FER1L6: variants seen among roughly 807,000 people sequenced by gnomAD.
FER1L6 encodes fer-1 like family member 6.
FER1L6 carries 177 observed loss-of-function variants against 219.2 expected under a neutral mutation model. The ratio of observed to expected loss-of-function variants is 0.81; its 90% CI spans 0.71 to 0.91. FER1L6 has a LOEUF of 0.91. Among genes scored for constraint, FER1L6 ranks in the 40% least tolerant of loss-of-function variants. The pLI is 0.00. For missense variants in FER1L6, 2,153 were observed against 2,259.9 expected, an observed-to-expected ratio of 0.95 and a Z score of 0.96; for synonymous variants, 768 against 824.3, an observed-to-expected ratio of 0.93 and a Z score of 1.17.
chr8:123,898,848 T>TATACAC (rs1812809390), intron 1 of FER1L6, among the ~76,000 whole-genome samples: 1 of 143,246 alleles, frequency 7.0e-6, no homozygotes, highest in African/African-American at 2.6e-5. Context: ...CATACATATA[T>TATACAC]ACACACACAC....
chr8:123,924,319 T>TC (rs1461703981), intron 1 of FER1L6, among the ~76,000 whole-genome samples: 4 of 148,926 alleles, frequency 2.7e-5, no homozygotes, highest in African/African-American at 9.9e-5. Flanking sequence ...CTGAGGTGGA[T>TC]CATCTGAGGT....
rs574849948 is a variant in FER1L6, at chr8:123,894,222, C to T, written c.-8+42037C>T. On this transcript the variant is annotated intron_variant, in intron 1 of 40. Transcript: ENST00000522917. ...ATCACATCCACAGAATGAAATGCCA[C>T]GCCCCTCATTCATCATGATTGCTTC... 1.3e-3 allele frequency among the ~76,000 whole-genome samples: 192 copies of T among 152,282 alleles called. 2 individuals are homozygous for T. Among genetic ancestry groups the T allele is most frequent in the African/African-American group, 4.3e-3 (180 of 41,566 alleles).
At chr8:124,084,752 T>A (rs1332686930) in intron 33 of FER1L6, among the ~76,000 whole-genome samples, 2 of 152,186 alleles carry the variant, frequency 1.3e-5, no homozygotes, top group Non-Finnish European at 2.9e-5. Flanking sequence ...GTGATGTGTC[T>A]TTGGTTTTGC....
At chr8:124,040,050 G>A (rs932610951) in intron 20 of FER1L6, 44 bp downstream of exon 20, 1 of 1,611,738 alleles carries the variant, frequency 6.2e-7, no homozygotes, top group Non-Finnish European at 8.5e-7. Context: ...CCTGCAGCCT[G>A]CAACTGACCC....
At chr8:124,062,115 G>A in intron 25 of FER1L6, 83 bp downstream of exon 25, 6 of 1,458,440 alleles carry the variant, frequency 4.1e-6, no homozygotes, top group Non-Finnish European at 5.7e-6. Context: ...TTGGCTCAAA[G>A]AGGATGCCCC....
intron 18 of FER1L6, among the ~76,000 whole-genome samples, chr8:124,024,419 G>A (rs1818616238): frequency 7.1e-6 from 1 of 140,500 alleles, no homozygotes. Flanking sequence ...CATACCCATA[G>A]CTTAGTTCCT....
At chr8:124,005,403 A>G (rs899300892) in intron 13 of FER1L6, among the ~76,000 whole-genome samples, 4 of 152,182 alleles carry the variant, frequency 2.6e-5, no homozygotes, top group Admixed American at 1.3e-4. Context: ...CAGTATCCCA[A>G]TATGTCCTGC....
Position 123,904,224 on chromosome 8 carries a change from TTGTGTGTG to T in FER1L6, c.-7-51731_-7-51724del, listed in dbSNP as rs56224402. ...ATATTTTAGAATAAACTCTGTATAT[TTGTGTGTG>T]TGTGTGTGTGTGTGTGTGTGTGTGT... On this transcript the variant is annotated intron_variant, in intron 1 of 40. Coordinates refer to ENST00000522917, the MANE Select transcript of FER1L6 (RefSeq NM_001039112.2). Among the ~76,000 whole-genome samples the T allele has an allele frequency of 6.4e-3, 887 of 139,402 alleles. 3 individuals are homozygous for T. The highest frequency in any genetic ancestry group is 9.3e-3 in the African/African-American group (342 of 36,918). 91.5% of individuals were successfully genotyped at this position (139,402 alleles called of 152,430 possible).
chr8:123,869,261 G>C (rs948134940), intron 1 of FER1L6, among the ~76,000 whole-genome samples: 1 of 152,118 alleles, frequency 6.6e-6, no homozygotes, highest in African/African-American at 2.4e-5. Flanking sequence ...GATCTCCCTT[G>C]TTTTCTTGGA....
chr8:123,898,679 ATACATATATG>A (rs904704244), intron 1 of FER1L6, among the ~76,000 whole-genome samples: 37 of 145,266 alleles, frequency 2.5e-4, no homozygotes, highest in African/African-American at 9.3e-4. Context: ...ACGTATATAT[ATACATATATG>A]TACATATATG....
At chr8:124,114,182 C>T (rs571024903) in intron 39 of FER1L6, among the ~76,000 whole-genome samples, 2 of 152,136 alleles carry the variant, frequency 1.3e-5, no homozygotes, top group Non-Finnish European at 2.9e-5. Context: ...TTAAAAAGAG[C>T]TTTCCCTCAT....
At chr8:123,901,159 T>C (rs562975636) in intron 1 of FER1L6, among the ~76,000 whole-genome samples, 28 of 152,348 alleles carry the variant, frequency 1.8e-4, no homozygotes, top group African/African-American at 6.7e-4. Context: ...TGGTAATTTG[T>C]AAATTACCAT....
chr8:124,092,893 T>A (rs1395717150), intron 34 of FER1L6, among the ~76,000 whole-genome samples: 2 of 149,282 alleles, frequency 1.3e-5, no homozygotes, highest in Non-Finnish European at 3.0e-5. Flanking sequence ...TCTCATTCTG[T>A]CACCCAGGCT....
intron 1 of FER1L6, among the ~76,000 whole-genome samples, chr8:123,934,740 C>T (rs1337311876): frequency 2.0e-5 from 3 of 151,948 alleles, no homozygotes; most frequent in African/African-American, 7.3e-5. Context: ...AATCTCATCT[C>T]GAATTATAAT....
chr8:123,980,664 G>A lies in FER1L6; in HGVS notation c.1263G>A (p.Glu421=). 6.2e-7 allele frequency: 1 copy of A among 1,614,196 alleles called. No individual in the cohort carries two copies. Among genetic ancestry groups the A allele is most frequent in the Non-Finnish European group, 8.5e-7 (1 of 1,180,022 alleles). ...QESKFSKALK[E]LKLPSKDKDS... is the part of the protein sequence containing the mutation. ...CTAAATTTTCCAAGGCCCTGAAGGAGCTCAAGTTGCCTTCCAAGGACAAAG... is the reference window on the plus strand; with the variant it reads ...CTAAATTTTCCAAGGCCCTGAAGGAACTCAAGTTGCCTTCCAAGGACAAAG... The change falls in exon 11 of 41, where the codon GAG becomes GAA. Residue 421 remains glutamate, a synonymous_variant. Coordinates refer to ENST00000522917, the MANE Select transcript of FER1L6 (RefSeq NM_001039112.2).
Position 124,035,309 on chromosome 8 carries a change from G to A in FER1L6, c.2319G>A (p.Val773=), listed in dbSNP as rs901159755. 3.7e-6 allele frequency: 6 copies of A among 1,614,098 alleles called. No individual in the cohort carries two copies. Among genetic ancestry groups the A allele is most frequent in the Non-Finnish European group, 4.2e-6 (5 of 1,179,964 alleles). Residue 773 remains valine, a synonymous_variant, in exon 19 of 41, where the codon GTG becomes GTA. Transcript: ENST00000522917. ...GGAAACGACCGGCTGGTTGGTCTGT[G>A]CAAGCAAAAGTCGACGTGTACCTGT... The part of the protein sequence containing the change: ...PPGKRPAGWS[V]QAKVDVYLWL...
chr8:123,912,956 G>A (rs552793363), intron 1 of FER1L6, among the ~76,000 whole-genome samples: 2 of 152,252 alleles, frequency 1.3e-5, no homozygotes, highest in Admixed American at 6.5e-5. Flanking sequence ...TCAGATCACC[G>A]GGTGTTAGAC....
intron 5 of FER1L6, among the ~76,000 whole-genome samples, chr8:123,967,542 C>T (rs569149788): frequency 4.6e-5 from 7 of 152,300 alleles, no homozygotes; most frequent in Admixed American, 2.0e-4. Flanking sequence ...ATTTCCATGT[C>T]GCTAATTGCC....
intron 1 of FER1L6, among the ~76,000 whole-genome samples, chr8:123,918,254 A>T (rs1299290913): frequency 6.6e-6 from 1 of 151,996 alleles, no homozygotes; most frequent in Non-Finnish European, 1.5e-5. Context: ...GGTTGCAGGG[A>T]ACTGAGATTG....
Sources: gnomAD v4.1 joint callset for allele counts (sites outside exome capture counted in the v4.1 genomes callset) on GRCh38, gnomAD v4.1.1 for gene constraint, MANE v1.5 for transcripts, NCBI Gene and HGNC (gene_info 2026-07-23, HGNC 2026-07-21) for gene names.